Variants in PTBP3 observed in about 807,000 individuals in gnomAD.
The protein encoded by PTBP3 is polypyrimidine tract-binding protein 3.
In PTBP3, 20 loss-of-function variants were observed where a neutral mutation model predicts 58.7. The observed-to-expected ratio is 0.34, with a 90% CI of 0.24 to 0.50. The LOEUF (loss-of-function observed/expected upper bound fraction) is 0.50, where lower values mean the gene tolerates loss of function less well. Among genes scored for constraint, PTBP3 ranks in the 20% least tolerant of loss-of-function variants. PTBP3 has a pLI of 0.98. For missense variants in PTBP3, 509 were observed against 637.2 expected, an observed-to-expected ratio of 0.80 and a Z score of 2.17; for synonymous variants, 185 against 219.8, an observed-to-expected ratio of 0.84 and a Z score of 1.40.
intron 2 of PTBP3, among the ~76,000 whole-genome samples, chr9:112,289,913 TTCA>T (rs1828304001): frequency 6.6e-6 from 1 of 152,198 alleles, no homozygotes; most frequent in African/African-American, 2.4e-5. Flanking sequence ...AACATTCAGC[TTCA>T]TAAGACATCA....
At chr9:112,355,625 T>C in the PTBP3 span, among the ~76,000 whole-genome samples, 13 of 148,992 alleles carry the variant, frequency 8.7e-5, no homozygotes, top group Non-Finnish European at 1.3e-4. Context: ...CTTTTTCTTT[T>C]TTTTTTTTTT....
intron 2 of PTBP3, among the ~76,000 whole-genome samples, chr9:112,276,218 G>A (rs1323493218): frequency 6.6e-6 from 1 of 152,130 alleles, no homozygotes; most frequent in Non-Finnish European, 1.5e-5. Context: ...GTTTTTCACT[G>A]TGGGTATTAA....
At chr9:112,333,785 G>A (rs1387409474), upstream of PTBP3, 1 of 263,970 alleles carries the variant, frequency 3.8e-6, no homozygotes, top group East Asian at 6.8e-5. Context: ...CTGGCAGCCG[G>A]CCTCCGGCTC....
At chr9:112,320,171 A>G (rs1375181549) in intron 1 of PTBP3, among the ~76,000 whole-genome samples, 1 of 151,236 alleles carries the variant, frequency 6.6e-6, no homozygotes, top group Non-Finnish European at 1.5e-5. Flanking sequence ...CTAGCTACTC[A>G]GGAGGCTGAG....
At chr9:112,231,654 A>G (rs1835205109) in intron 9 of PTBP3, among the ~76,000 whole-genome samples, 1 of 152,050 alleles carries the variant, frequency 6.6e-6, no homozygotes. Flanking sequence ...CTGTAATCCC[A>G]GCACTTTGGG....
the PTBP3 span, among the ~76,000 whole-genome samples, chr9:112,379,710 A>G: frequency 6.6e-6 from 1 of 151,452 alleles, no homozygotes; most frequent in Non-Finnish European, 1.5e-5. Context: ...GAGCTAACGC[A>G]CCTCTCGGAG....
chr9:112,370,535 C>T, the PTBP3 span, among the ~76,000 whole-genome samples: 2 of 151,860 alleles, frequency 1.3e-5, no homozygotes, highest in African/African-American at 4.8e-5. Flanking sequence ...AGTGAGACCC[C>T]GTTTCAATTA....
chr9:112,363,626 G>A, the PTBP3 span, among the ~76,000 whole-genome samples: 3 of 151,658 alleles, frequency 2.0e-5, no homozygotes, highest in Non-Finnish European at 2.9e-5. Flanking sequence ...AAGTGTATCA[G>A]TTTATTTATT....
intron 1 of PTBP3, among the ~76,000 whole-genome samples, chr9:112,326,296 G>A (rs962887425): frequency 6.6e-5 from 10 of 152,194 alleles, no homozygotes; most frequent in African/African-American, 1.9e-4. Flanking sequence ...CACAGCAGCA[G>A]GCAAACGTTT....
chr9:112,345,341 TAAAAAAAAA>T, the PTBP3 span, among the ~76,000 whole-genome samples: 1 of 63,690 alleles, frequency 1.6e-5, no homozygotes. Flanking sequence ...CCCTCATCTC[TAAAAAAAAA>T]AAAAAAAAAA....
At chr9:112,240,262 A>G (rs1422934884) in intron 7 of PTBP3, among the ~76,000 whole-genome samples, 2 of 152,202 alleles carry the variant, frequency 1.3e-5, no homozygotes, top group African/African-American at 4.8e-5. Context: ...ATAGAATACA[A>G]TGTACATATA....
At chr9:112,374,508 C>T in the PTBP3 span, among the ~76,000 whole-genome samples, 1 of 152,220 alleles carries the variant, frequency 6.6e-6, no homozygotes, top group African/African-American at 2.4e-5. Flanking sequence ...ACACAACCTT[C>T]TGGAGAACTT....
At chr9:112,279,002 A>T (rs889664087) in intron 2 of PTBP3, among the ~76,000 whole-genome samples, 1 of 152,174 alleles carries the variant, frequency 6.6e-6, no homozygotes, top group African/African-American at 2.4e-5. Flanking sequence ...TATTTGCCAT[A>T]ATTAAGAATT....
At position 112,218,857 on chromosome 9, in the gene PTBP3, T is replaced by C. The variant is rs1442632280; in HGVS notation, c.*4994A>G. ...ATGTTGTTACAAATATTTACAGCAT[T>C]TTCTTCTGTTAGACGAACATTCTTA... is the stretch of plus-strand genomic sequence containing the variant. On this transcript the variant is annotated 3_prime_UTR_variant, in exon 14 of 14. Transcript: ENST00000374257. 1 of 152,616 alleles carries C rather than the reference T, an allele frequency of 6.6e-6. No homozygotes were observed. Among genetic ancestry groups the C allele is most frequent in the African/African-American group, 2.4e-5 (1 of 41,456 alleles). The allele number at this position is 152,616 out of a possible 1,614,324, so 9.5% of individuals were successfully genotyped here.
intron 1 of PTBP3, 61 bp downstream of exon 1, chr9:112,333,409 G>T (rs1390875129): frequency 6.5e-6 from 10 of 1,548,546 alleles, no homozygotes; most frequent in African/African-American, 1.4e-5. Context: ...GTCCCGCGGA[G>T]AGCCGGGTGG....
intron 2 of PTBP3, among the ~76,000 whole-genome samples, chr9:112,293,581 C>A (rs1828539467): frequency 6.6e-6 from 1 of 152,172 alleles, no homozygotes; most frequent in Non-Finnish European, 1.5e-5. Context: ...TCACCCTCGC[C>A]CCCTTGAAGC....
In PTBP3 at chr9:112,308,522, CG is replaced by C. The variant is rs1362288444; in HGVS notation, c.-51-10607del. Among the ~76,000 whole-genome samples the C allele has an allele frequency of 6.6e-5, 10 of 151,854 alleles. No homozygotes were observed. The South Asian group carries it at 1.9e-3, about 28-fold the overall frequency. ...CCTAAGTGTCTCAAATGCAATTTTCCGTAAGGTTTGACTGCTATGATAACAG... is the reference window on the plus strand; with the variant it reads ...CCTAAGTGTCTCAAATGCAATTTTCCTAAGGTTTGACTGCTATGATAACAG... On this transcript the variant is annotated intron_variant, in intron 1 of 13. Coordinates refer to ENST00000374257, the MANE Select transcript of PTBP3 (RefSeq NM_001163788.4).
intron 4 of PTBP3, among the ~76,000 whole-genome samples, chr9:112,263,821 T>C (rs1037847415): frequency 2.6e-5 from 4 of 152,126 alleles, no homozygotes; most frequent in African/African-American, 7.2e-5. Context: ...GCTAAAAATA[T>C]TGGACAGGAA....
chr9:112,342,692 G>A, the PTBP3 span, among the ~76,000 whole-genome samples: 5 of 143,722 alleles, frequency 3.5e-5, no homozygotes, highest in South Asian at 1.2e-3. Flanking sequence ...CTCCTGCCTG[G>A]GCGACAGAGC....
Sources: allele counts gnomAD v4.1 joint callset (sites outside exome capture counted in the v4.1 genomes callset), GRCh38; gene constraint gnomAD v4.1.1; transcripts MANE v1.5; gene names NCBI Gene and HGNC (gene_info 2026-07-23, HGNC 2026-07-21).